CNTN5: variants seen among roughly 807,000 people sequenced by gnomAD.
The protein encoded by CNTN5 is contactin 5, also known as contactin-5.
CNTN5 carries 77 observed loss-of-function variants against 129.1 expected under a neutral mutation model. That is an observed-to-expected ratio of 0.60 (90% CI 0.50 to 0.72). The LOEUF (loss-of-function observed/expected upper bound fraction) is 0.72. Among genes scored for constraint, CNTN5 ranks in the 30% least tolerant of loss-of-function variants. CNTN5 has a pLI of 0.00. For missense variants in CNTN5, 1,478 were observed against 1,328.8 expected, an observed-to-expected ratio of 1.11 and a Z score of -1.75; for synonymous variants, 509 against 465.6, an observed-to-expected ratio of 1.09 and a Z score of -1.20.
chr11:99,098,453 G>T (rs1591186001), intron 1 of CNTN5, among the ~76,000 whole-genome samples: 1 of 151,914 alleles, frequency 6.6e-6, no homozygotes, highest in Admixed American at 6.6e-5. Context: ...AACACTAGTG[G>T]CTGAAAAAGC....
chr11:99,300,638 TA>T (rs2135943750), intron 1 of CNTN5, among the ~76,000 whole-genome samples: 1 of 152,154 alleles, frequency 6.6e-6, no homozygotes, highest in Non-Finnish European at 1.5e-5. Context: ...TGCTCTCTTT[TA>T]AAAATAAGAG....
intron 6 of CNTN5, among the ~76,000 whole-genome samples, chr11:99,888,446 C>T (rs564201456): frequency 2.0e-5 from 3 of 152,144 alleles, no homozygotes; most frequent in African/African-American, 7.2e-5. Context: ...GAAAAGAGCA[C>T]AGAGACTCAG....
intron 3 of CNTN5, among the ~76,000 whole-genome samples, chr11:99,775,441 T>C (rs1187769499): frequency 2.0e-5 from 3 of 152,004 alleles, no homozygotes; most frequent in African/African-American, 4.8e-5. Flanking sequence ...AAGGTTAATA[T>C]CTAATCCAGT....
At chr11:100,202,822 T>C (rs373200659) in intron 15 of CNTN5, among the ~76,000 whole-genome samples, 1 of 151,960 alleles carries the variant, frequency 6.6e-6, no homozygotes, top group East Asian at 1.9e-4. Flanking sequence ...TCCTCCCTAA[T>C]GAAGACCTGA....
At chr11:100,125,613 C>T (rs1342078747) in intron 13 of CNTN5, among the ~76,000 whole-genome samples, 1 of 152,054 alleles carries the variant, frequency 6.6e-6, no homozygotes, top group Non-Finnish European at 1.5e-5. Context: ...GTAAATAGTG[C>T]TGTGATGAAC....
chr11:99,583,192 C>G (rs940978618), intron 3 of CNTN5, among the ~76,000 whole-genome samples: 2 of 152,184 alleles, frequency 1.3e-5, no homozygotes, highest in African/African-American at 4.8e-5. Flanking sequence ...GAAGTTTTGT[C>G]TCAGAGGAGT....
chr11:99,494,331 A>G (rs1328120782), intron 2 of CNTN5, among the ~76,000 whole-genome samples: 1 of 152,202 alleles, frequency 6.6e-6, no homozygotes, highest in East Asian at 1.9e-4. Context: ...ACCAGGCTAT[A>G]TTAAGCTACG....
At chr11:99,478,038 T>A (rs976284793) in intron 2 of CNTN5, among the ~76,000 whole-genome samples, 39 of 152,292 alleles carry the variant, frequency 2.6e-4, no homozygotes, top group African/African-American at 8.9e-4. Context: ...CTTTTTTAAC[T>A]AATGAGTATT....
chr11:100,186,546 C>G (rs1565324488), intron 13 of CNTN5, among the ~76,000 whole-genome samples: 1 of 152,088 alleles, frequency 6.6e-6, no homozygotes, highest in East Asian at 1.9e-4. Context: ...GACTGAGTAA[C>G]TAGGTGCAAG....
chr11:99,480,603 T>C (rs1945557400), intron 2 of CNTN5, among the ~76,000 whole-genome samples: 2 of 152,226 alleles, frequency 1.3e-5, no homozygotes, highest in Admixed American at 1.3e-4. Context: ...ATTCACTATA[T>C]GTTTATTCTA....
intron 2 of CNTN5, among the ~76,000 whole-genome samples, chr11:99,413,891 T>G (rs1394500498): frequency 6.6e-6 from 1 of 152,216 alleles, no homozygotes; most frequent in Non-Finnish European, 1.5e-5. Flanking sequence ...GCTTTCTGTC[T>G]AGAATAAATT....
chr11:99,307,442 C>T (rs1864925733), intron 1 of CNTN5, among the ~76,000 whole-genome samples: 4 of 152,108 alleles, frequency 2.6e-5, no homozygotes, highest in Admixed American at 2.0e-4. Context: ...CTAAAGAAAT[C>T]TATTCAAAAA....
intron 3 of CNTN5, among the ~76,000 whole-genome samples, chr11:99,788,038 T>C (rs569021354): frequency 1.4e-4 from 22 of 152,110 alleles, no homozygotes; most frequent in Admixed American, 9.2e-4. Flanking sequence ...ACTTTCTTTG[T>C]GTTCTTGGCA....
intron 1 of CNTN5, among the ~76,000 whole-genome samples, chr11:99,236,470 ACACACAC>A (rs1861272625): frequency 0.012 from 39 of 3,182 alleles, no homozygotes; most frequent in African/African-American, 0.02. Context: ...TCACACACAA[ACACACAC>A]ACACACACAC....
At chr11:99,274,438 G>T (rs970647992) in intron 1 of CNTN5, among the ~76,000 whole-genome samples, 2 of 151,550 alleles carry the variant, frequency 1.3e-5, no homozygotes, top group Non-Finnish European at 3.0e-5. Context: ...TTTTTGAGAA[G>T]CTGTTTTTTA....
intron 16 of CNTN5, among the ~76,000 whole-genome samples, chr11:100,241,495 C>G (rs1334953622): frequency 6.6e-6 from 1 of 152,162 alleles, no homozygotes; most frequent in Non-Finnish European, 1.5e-5. Flanking sequence ...AAACATAGTG[C>G]TCTAGGGAGT....
chr11:100,280,639 ACT>A (rs1950616437), intron 18 of CNTN5, among the ~76,000 whole-genome samples: 1 of 151,646 alleles, frequency 6.6e-6, no homozygotes, highest in Non-Finnish European at 1.5e-5. Context: ...CCATTCAGCC[ACT>A]CTGTCTTTTG....
intron 3 of CNTN5, among the ~76,000 whole-genome samples, chr11:99,762,981 G>A (rs1229266371): frequency 6.6e-6 from 1 of 152,050 alleles, no homozygotes; most frequent in Non-Finnish European, 1.5e-5. Flanking sequence ...ATAAACACAT[G>A]TGACTTTGAC....
At chr11:99,529,383 A>G (rs1393159078) in intron 2 of CNTN5, among the ~76,000 whole-genome samples, 1 of 152,234 alleles carries the variant, frequency 6.6e-6, no homozygotes, top group Non-Finnish European at 1.5e-5. Flanking sequence ...ACCTGTAAGC[A>G]TCCTCTTAAA....
Sources: gnomAD v4.1 joint callset for allele counts (sites outside exome capture counted in the v4.1 genomes callset) on GRCh38, gnomAD v4.1.1 for gene constraint, MANE v1.5 for transcripts, NCBI Gene and HGNC (gene_info 2026-07-23, HGNC 2026-07-21) for gene names.